The following PSD2 variants were observed in gnomAD, a reference collection of about 807,000 sequenced individuals.
The protein encoded by PSD2 is pleckstrin and Sec7 domain containing 2.
In PSD2, 38 loss-of-function variants were observed where a neutral mutation model predicts 69.8. The observed-to-expected ratio is 0.54, with a 90% CI of 0.42 to 0.71. The LOEUF is 0.71. Ranked by LOEUF, PSD2 falls within the 30% of genes least tolerant of loss-of-function variation. The pLI is 0.00. For synonymous variants in PSD2, 412 were observed against 423.0 expected, an observed-to-expected ratio of 0.97 and a Z score of 0.32; for missense variants, 943 against 1,014.5, an observed-to-expected ratio of 0.93 and a Z score of 0.96.
At chr5:139,778,773 CA>C in the PSD2 span, among the ~76,000 whole-genome samples, 3 of 151,186 alleles carry the variant, frequency 2.0e-5, no homozygotes, top group South Asian at 2.1e-4. Context: ...AAAAAAAGTG[CA>C]AAAAATTAGC....
At chr5:139,826,186 A>G (rs1581730303) in intron 7 of PSD2, among the ~76,000 whole-genome samples, 1 of 152,304 alleles carries the variant, frequency 6.6e-6, no homozygotes, top group East Asian at 1.9e-4. Context: ...TGGAGTGGAG[A>G]GGACAGATGC....
chr5:139,767,366 G>A, the PSD2 span, among the ~76,000 whole-genome samples: 1 of 152,186 alleles, frequency 6.6e-6, no homozygotes, highest in East Asian at 1.9e-4. Flanking sequence ...CCAGGCTGGA[G>A]TGCAATGTCA....
the PSD2 span, among the ~76,000 whole-genome samples, chr5:139,763,741 G>T: frequency 6.6e-6 from 1 of 152,316 alleles, no homozygotes. Flanking sequence ...TTCTGCCTTT[G>T]CTCTCACACC....
At chr5:139,809,972 C>T (rs1477026637) in intron 2 of PSD2, among the ~76,000 whole-genome samples, 161 bp downstream of exon 2, 1 of 151,914 alleles carries the variant, frequency 6.6e-6, no homozygotes, top group Non-Finnish European at 1.5e-5. Flanking sequence ...TTTGAAAGGA[C>T]AGAGCCTTGA....
At chr5:139,749,849 CAAAAACAAACAAACA>C in the PSD2 span, among the ~76,000 whole-genome samples, 1 of 110,766 alleles carries the variant, frequency 9.0e-6, no homozygotes, top group East Asian at 2.3e-4. Flanking sequence ...AACAAACAAA[CAAAAACAAACAAACA>C]AATGAAAAAC....
At position 139,809,484 on chromosome 5, in the gene PSD2, A is replaced by G. The variant is rs758203196; in HGVS notation, c.44A>G (p.Asp15Gly). ...TTATCTGCAGTGCCTGAGGAAGGCG[A>G]TGCCACCCGTGACCCCGGTCCAGAG... ...KLLSAVPEEGDATRDPGPEPE... is the reference protein window; with the variant it reads ...KLLSAVPEEGGATRDPGPEPE... The change falls in exon 2 of 15, where the codon GAT becomes GGT. Residue 15 changes from aspartate (D) to glycine (G), a missense_variant. Physicochemically the swap from Asp to Gly is moderately conservative, Grantham distance 94. This residue lies in a region of PSD2 where 466 missense variants were observed against 445.0 expected (regional missense o/e 1.05). Coordinates refer to ENST00000274710, the MANE Select transcript of PSD2 (RefSeq NM_032289.4). The G allele has an allele frequency of 6.2e-7, 1 of 1,612,856 alleles. No homozygotes were observed. Among genetic ancestry groups the G allele is most frequent in the Admixed American group, 1.7e-5 (1 of 59,832 alleles).
At chr5:139,824,303 G>A (rs1446648374) in intron 7 of PSD2, among the ~76,000 whole-genome samples, 1 of 152,122 alleles carries the variant, frequency 6.6e-6, no homozygotes, top group Non-Finnish European at 1.5e-5. Context: ...CACAGCTGAA[G>A]AGAAATGTCA....
intron 7 of PSD2, among the ~76,000 whole-genome samples, chr5:139,823,221 A>G (rs971987044): frequency 6.6e-6 from 1 of 152,184 alleles, no homozygotes; most frequent in Non-Finnish European, 1.5e-5. Context: ...TCCAGGCCCC[A>G]GGCTGTCTCA....
At position 139,809,501 on chromosome 5, in the gene PSD2, G is replaced by A. The variant is rs142380601; in HGVS notation, c.61G>A (p.Gly21Ser). The A allele has an allele frequency of 1.6e-4, 264 of 1,612,750 alleles. 1 individual carries two copies. In the African/African-American group the frequency reaches 2.9e-3, roughly 18 times the overall value. ...GGAAGGCGATGCCACCCGTGACCCC[G>A]GTCCAGAGCCTGAAGAGGAGCCAGG... ...PEEGDATRDP[G>S]PEPEEEPGVR... Residue 21 changes from glycine to serine, a missense_variant, in exon 2 of 15, where the codon GGT becomes AGT. This residue lies in a region of PSD2 where 466 missense variants were observed against 445.0 expected (regional missense o/e 1.05). Transcript: ENST00000274710.
chr5:139,836,870 G>A lies in PSD2; in HGVS notation c.1463G>A (p.Gly488Asp). 2 of 1,614,178 alleles carry A rather than the reference G, an allele frequency of 1.2e-6. No individual in the cohort carries two copies. The highest frequency in any genetic ancestry group is 2.7e-5 in the African/African-American group (2 of 75,038). ...CTGGTGGATGACAAGTTCGGGACAG[G>A]CACGAAGAAGGTGACGCGAATCCTG... is the stretch of plus-strand genomic sequence containing the variant. ...SELVDDKFGT[G>D]TKKVTRILDG... Residue 488 changes from glycine to aspartate, a missense_variant, in exon 10 of 15, where the codon GGC becomes GAC. By Grantham distance (94) the Gly-to-Asp change is moderately conservative (BLOSUM62 -1). Coordinates refer to ENST00000274710, the MANE Select transcript of PSD2 (RefSeq NM_032289.4).
chr5:139,822,684 G>C (rs1454747088), intron 6 of PSD2, 42 bp from the exon 7 acceptor site: 1 of 1,568,862 alleles, frequency 6.4e-7, no homozygotes, highest in African/African-American at 1.4e-5. Flanking sequence ...AGTGGGAAGA[G>C]GTTGGATCCT....
At chr5:139,840,539 G>C (rs534103060) in intron 14 of PSD2, among the ~76,000 whole-genome samples, 1 of 151,416 alleles carries the variant, frequency 6.6e-6, no homozygotes, top group Admixed American at 6.6e-5. Flanking sequence ...TTAACAATTA[G>C]TATCTCATTA....
At chr5:139,826,102 G>T (rs1490651071) in intron 7 of PSD2, among the ~76,000 whole-genome samples, 3 of 152,242 alleles carry the variant, frequency 2.0e-5, no homozygotes, top group African/African-American at 7.2e-5. Context: ...TGGCGCAAGA[G>T]TGACCACTGG....
chr5:139,751,436 C>T, the PSD2 span, among the ~76,000 whole-genome samples: 2 of 152,144 alleles, frequency 1.3e-5, no homozygotes, highest in South Asian at 2.1e-4. Context: ...GAGGCATACC[C>T]ACCCACCTAC....
chr5:139,777,091 G>T, the PSD2 span, among the ~76,000 whole-genome samples: 2 of 152,168 alleles, frequency 1.3e-5, no homozygotes, highest in African/African-American at 2.4e-5. Context: ...CTGCAGAGAG[G>T]TCTGTGTCCT....
intron 2 of PSD2, 148 bp from the exon 3 acceptor site, chr5:139,813,161 C>A: frequency 1.6e-6 from 1 of 624,228 alleles, no homozygotes; most frequent in South Asian, 3.0e-5. Context: ...GCACCTTGTG[C>A]TCAGTTAGTA....
the PSD2 span, among the ~76,000 whole-genome samples, chr5:139,760,661 A>C: frequency 6.6e-6 from 1 of 152,140 alleles, no homozygotes; most frequent in African/African-American, 2.4e-5. Flanking sequence ...TTCTTCTTCC[A>C]GGCAGGCTCC....
At chr5:139,821,120 A>G (rs562731422) in intron 5 of PSD2, among the ~76,000 whole-genome samples, 1 of 152,152 alleles carries the variant, frequency 6.6e-6, no homozygotes, top group Non-Finnish European at 1.5e-5. Flanking sequence ...TTTAGTAGAG[A>G]TGGGGTTTCA....
At chr5:139,813,258 TG>T (rs1760018052) in intron 2 of PSD2, 50 bp from the exon 3 acceptor site, 21 of 1,457,146 alleles carry the variant, frequency 1.4e-5, no homozygotes, top group Non-Finnish European at 1.7e-5. Context: ...CACCAGCACC[TG>T]TATGGGGGAC....
Sources: gnomAD v4.1 joint callset for allele counts (sites outside exome capture counted in the v4.1 genomes callset) on GRCh38, gnomAD v4.1.1 for gene constraint, gnomAD v4.1.1 regional missense constraint, MANE v1.5 for transcripts, NCBI Gene and HGNC (gene_info 2026-07-23, HGNC 2026-07-21) for gene names.